SEC24A: variants seen among roughly 807,000 people sequenced by gnomAD.
SEC24A encodes the protein protein transport protein Sec24A.
Under a neutral mutation model 129.4 loss-of-function variants are expected in SEC24A, and 93 were observed. The ratio of observed to expected loss-of-function variants is 0.72; its 90% confidence interval spans 0.61 to 0.85. The LOEUF is 0.85. Ranked by LOEUF, SEC24A falls within the 40% of genes least tolerant of loss-of-function variation. The pLI, the probability that SEC24A is intolerant of heterozygous loss-of-function variation, is 0.00. For synonymous variants in SEC24A, 460 were observed against 467.3 expected (o/e 0.98, Z 0.20); for missense variants, 1,264 against 1,307.4 (o/e 0.97, Z 0.51).
chr5:134,666,995 A>G lies in SEC24A; in HGVS notation c.738A>G (p.Glu246=). Reference sequence around the variant, plus strand: ...TATTTAATTCAGCTGTCAACCAAGAAGGTAAGTGAACCAAGAAACAAAGTC... The same window carrying G: ...TATTTAATTCAGCTGTCAACCAAGAGGGTAAGTGAACCAAGAAACAAAGTC... ...QPLFNSAVNQ[E]GITSNTNNGS... The change falls in exon 3 of 23, where the codon GAA becomes GAG. Residue 246 remains glutamate (E), a splice_region_variant and synonymous_variant. Coordinates refer to ENST00000398844, the MANE Select transcript of SEC24A (RefSeq NM_021982.3). The G allele has an allele frequency of 6.4e-7, 1 of 1,551,964 alleles. No homozygotes were observed. The highest frequency in any genetic ancestry group is 8.7e-7 in the Non-Finnish European group (1 of 1,154,538).
intron 2 of SEC24A, among the ~76,000 whole-genome samples, chr5:134,665,355 T>C (rs888151221): frequency 1.1e-4 from 17 of 149,122 alleles, no homozygotes; most frequent in Non-Finnish European, 1.5e-5. Context: ...TGCCGGAGGC[T>C]GAGGCAGGAG....
intron 11 of SEC24A, 41 bp from the exon 12 acceptor site, chr5:134,692,561 A>G (rs1751693410): frequency 9.7e-7 from 1 of 1,034,632 alleles, no homozygotes; most frequent in African/African-American, 1.6e-5. Context: ...ACTTTTAATT[A>G]TTACATTTTG....
intron 8 of SEC24A, among the ~76,000 whole-genome samples, chr5:134,681,546 A>T (rs1311879849): frequency 6.6e-6 from 1 of 152,110 alleles, no homozygotes; most frequent in East Asian, 1.9e-4. Context: ...CTGAAAATGT[A>T]CATGAAGTAT....
chr5:134,662,890 C>A (rs79420669), intron 2 of SEC24A, among the ~76,000 whole-genome samples: 1 of 151,960 alleles, frequency 6.6e-6, no homozygotes, highest in African/African-American at 2.4e-5. Flanking sequence ...CCCAGCTACT[C>A]GGGGGGCTGA....
chr5:134,649,186 C>T lies in SEC24A; in HGVS notation c.97+13C>T, dbSNP rs1250907345. ...CCCTACACCAACGGTGAGTGCTGTC[C>T]GGGGGGAGGGCGCAGCCTGGCCAGG... On this transcript the variant is annotated intron_variant, in intron 1 of 22. Transcript: ENST00000398844. 6.3e-7 allele frequency: 1 copy of T among 1,583,550 alleles called. No individual in the cohort carries two copies. The highest frequency in any genetic ancestry group is 8.6e-7 in the Non-Finnish European group (1 of 1,160,750).
rs1170312364 is a variant in SEC24A at position 134,690,874 on chromosome 5, G to T, written c.1724-1728G>T. Among the ~76,000 whole-genome samples, 4 of 152,138 alleles carry T rather than the reference G, an allele frequency of 2.6e-5. No individual in the cohort carries two copies. The East Asian group carries it at 5.8e-4, about 22-fold the overall frequency. On this transcript the variant is annotated intron_variant, in intron 11 of 22. Coordinates refer to ENST00000398844, the MANE Select transcript of SEC24A (RefSeq NM_021982.3). ...TTTGGAGACAGAGTCTTGCTTTGTTGCCCAGGCTGCAGTGCAGTGGCGCGA... is the reference window on the plus strand; with the variant it reads ...TTTGGAGACAGAGTCTTGCTTTGTTTCCCAGGCTGCAGTGCAGTGGCGCGA...
chr5:134,708,797 G>C lies in SEC24A; in HGVS notation c.2636G>C (p.Arg879Pro), dbSNP rs777619862. The C allele has an allele frequency of 6.2e-7, 1 of 1,614,066 alleles. No individual in the cohort carries two copies. The highest frequency in any genetic ancestry group is 8.5e-7 in the Non-Finnish European group (1 of 1,180,026). The change falls in exon 18 of 23, where the codon CGT (arginine) becomes CCT (proline). Residue 879 changes from arginine to proline, a missense_variant. Physicochemically the swap from Arg to Pro is moderately radical, Grantham distance 103. Coordinates refer to ENST00000398844, the MANE Select transcript of SEC24A (RefSeq NM_021982.3). Reference sequence around the variant, plus strand: ...GTCATTGACTCCCTTTCAGCTTACCGTTCTTCAGTCTTAAGTAACCAGCAG... The same window carrying C: ...GTCATTGACTCCCTTTCAGCTTACCCTTCTTCAGTCTTAAGTAACCAGCAG... ...NAVIDSLSAY[R>P]SSVLSNQQPG...
chr5:134,659,678 A>G (rs1198337344), intron 1 of SEC24A, among the ~76,000 whole-genome samples: 7 of 143,396 alleles, frequency 4.9e-5, no homozygotes, highest in Non-Finnish European at 7.5e-5. Context: ...GACAGGATAC[A>G]GGGTCTCACT....
chr5:134,655,789 A>G (rs114738371), intron 1 of SEC24A, among the ~76,000 whole-genome samples: 2,029 of 152,196 alleles, frequency 0.013, 26 homozygotes, highest in African/African-American at 0.046. Flanking sequence ...TTGTTTTTAC[A>G]ACAATTGCTT....
chr5:134,710,088 A>G (rs1752276538), intron 18 of SEC24A, among the ~76,000 whole-genome samples: 1 of 151,794 alleles, frequency 6.6e-6, no homozygotes, highest in African/African-American at 2.4e-5. Context: ...TAGTAGAGAC[A>G]AGGTTTCACC....
chr5:134,666,164 G>A (rs1750652560), intron 2 of SEC24A, among the ~76,000 whole-genome samples: 3 of 151,880 alleles, frequency 2.0e-5, no homozygotes, highest in Admixed American at 1.3e-4. Flanking sequence ...AACAAACAGG[G>A]CAATGTATCT....
intron 15 of SEC24A, 59 bp downstream of exon 15, chr5:134,698,116 CAT>C: frequency 7.1e-7 from 1 of 1,400,508 alleles, no homozygotes; most frequent in Non-Finnish European, 9.8e-7. Context: ...AGTAAATGTA[CAT>C]GTTTTTATCT....
intron 15 of SEC24A, 61 bp downstream of exon 15, chr5:134,698,118 T>C: frequency 7.5e-7 from 1 of 1,340,130 alleles, no homozygotes; most frequent in Non-Finnish European, 1.0e-6. Flanking sequence ...TAAATGTACA[T>C]GTTTTTATCT....
At chr5:134,710,641 G>A (rs1752296764) in intron 18 of SEC24A, among the ~76,000 whole-genome samples, 1 of 152,016 alleles carries the variant, frequency 6.6e-6, no homozygotes, top group African/African-American at 2.4e-5. Flanking sequence ...TGTTTGTAGG[G>A]TTTTTCTTTG....
At chr5:134,661,994 T>G (rs1750481454) in intron 2 of SEC24A, among the ~76,000 whole-genome samples, 1 of 151,588 alleles carries the variant, frequency 6.6e-6, no homozygotes, top group African/African-American at 2.4e-5. Flanking sequence ...TGCACCCAGC[T>G]AACTTTTTGT....
intron 15 of SEC24A, among the ~76,000 whole-genome samples, chr5:134,701,605 G>T (rs1022348021): frequency 6.6e-6 from 1 of 151,918 alleles, no homozygotes; most frequent in Non-Finnish European, 1.5e-5. Context: ...TCGCCTCCCG[G>T]GGTCCAGTGA....
chr5:134,702,761 G>T (rs7723532), intron 15 of SEC24A, among the ~76,000 whole-genome samples: 137 of 149,508 alleles, frequency 9.2e-4, no homozygotes, highest in African/African-American at 3.4e-3. Context: ...TTGTTTGTTT[G>T]TTGTTGTTGT....
intron 15 of SEC24A, among the ~76,000 whole-genome samples, chr5:134,700,789 G>A (rs749160978): frequency 1.3e-4 from 19 of 150,380 alleles, no homozygotes; most frequent in Non-Finnish European, 1.8e-4. Flanking sequence ...CACGATCTCC[G>A]CTCACTGCAA....
At chr5:134,659,763 C>T (rs1750383981) in intron 1 of SEC24A, among the ~76,000 whole-genome samples, 4 of 151,826 alleles carry the variant, frequency 2.6e-5, no homozygotes, top group South Asian at 2.1e-4. Context: ...CAGTGATCCT[C>T]CTGCCTCAGC....
Sources: allele counts gnomAD v4.1 joint callset (sites outside exome capture counted in the v4.1 genomes callset), GRCh38; gene constraint gnomAD v4.1.1; transcripts MANE v1.5; gene names NCBI Gene and HGNC (gene_info 2026-07-23, HGNC 2026-07-21).